Variants in KLRG1 observed in about 807,000 individuals in gnomAD.
KLRG1 encodes killer cell lectin like receptor G1.
In KLRG1, 16 loss-of-function variants were observed where a neutral mutation model predicts 21.8. That is an observed-to-expected ratio of 0.73 (90% CI 0.50 to 1.11). The LOEUF (loss-of-function observed/expected upper bound fraction) is 1.11, where lower values mean the gene tolerates loss of function less well. Ranked by LOEUF, KLRG1 falls within the 50% of genes most tolerant of loss-of-function variation. The probability of loss-of-function intolerance (pLI) is 0.00; values close to 1 mark genes in which losing one functional copy is unlikely to be tolerated. For synonymous variants in KLRG1, 69 were observed against 75.9 expected, an observed-to-expected ratio of 0.91 and a Z score of 0.47; for missense variants, 173 against 218.3, an observed-to-expected ratio of 0.79 and a Z score of 1.31.
chr12:9,148,029 A>G, the KLRG1 span, among the ~76,000 whole-genome samples: 1 of 151,980 alleles, frequency 6.6e-6, no homozygotes, highest in Non-Finnish European at 1.5e-5. Context: ...AAAGGCATTA[A>G]CTACTCTCAT....
chr12:9,015,135 A>G (rs1374758523), downstream of KLRG1, among the ~76,000 whole-genome samples: 1 of 152,180 alleles, frequency 6.6e-6, no homozygotes, highest in Non-Finnish European at 1.5e-5. Context: ...GAAGACATAT[A>G]ACAAAATGGC....
At chr12:9,189,546 A>G in the KLRG1 span, among the ~76,000 whole-genome samples, 1 of 152,250 alleles carries the variant, frequency 6.6e-6, no homozygotes, top group South Asian at 2.1e-4. Flanking sequence ...ACTCTGGAAG[A>G]CAACCTAGGC....
the KLRG1 span, among the ~76,000 whole-genome samples, chr12:9,034,608 G>A: frequency 1.3e-5 from 2 of 152,088 alleles, no homozygotes; most frequent in African/African-American, 4.8e-5. Context: ...CACCATGCCC[G>A]GCTAATTTTT....
the KLRG1 span, among the ~76,000 whole-genome samples, chr12:9,137,032 A>G: frequency 6.6e-6 from 1 of 152,076 alleles, no homozygotes; most frequent in Non-Finnish European, 1.5e-5. Flanking sequence ...TTCCAGTTTG[A>G]CATAGTTCAA....
the KLRG1 span, chr12:9,160,265 GA>G: frequency 6.6e-7 from 1 of 1,513,014 alleles, no homozygotes; most frequent in Non-Finnish European, 9.0e-7. Context: ...GCTTAATTGG[GA>G]AAAGTTTCAT....
chr12:9,187,077 C>CAA, the KLRG1 span, among the ~76,000 whole-genome samples: 30,465 of 128,206 alleles, frequency 0.24, 3,627 homozygotes, highest in East Asian at 0.39. Flanking sequence ...CAAGAAAGGT[C>CAA]AAAAAAAAAA....
At chr12:8,975,462 A>G (rs2137268033) in intron 1 of KLRG1, among the ~76,000 whole-genome samples, 1 of 152,192 alleles carries the variant, frequency 6.6e-6, no homozygotes, top group Admixed American at 6.5e-5. Context: ...ATTATTCTTA[A>G]GTGCTCCTTA....
chr12:9,103,272 G>A, the KLRG1 span, among the ~76,000 whole-genome samples: 3 of 152,150 alleles, frequency 2.0e-5, no homozygotes, highest in Non-Finnish European at 4.4e-5. Flanking sequence ...CAAGAGTCAG[G>A]TGTTAGTATT....
the KLRG1 span, among the ~76,000 whole-genome samples, chr12:9,055,055 G>T: frequency 6.6e-6 from 1 of 152,176 alleles, no homozygotes; most frequent in Non-Finnish European, 1.5e-5. Flanking sequence ...ACGTGATTCT[G>T]TCACACACAT....
At chr12:9,029,014 T>G in the KLRG1 span, 1 of 598,246 alleles carries the variant, frequency 1.7e-6, no homozygotes, top group Admixed American at 2.0e-5. Flanking sequence ...CTCTCATTGG[T>G]TGTTTCAAAG....
the KLRG1 span, chr12:9,154,729 C>T: frequency 3.1e-6 from 5 of 1,614,042 alleles, no homozygotes; most frequent in African/African-American, 2.7e-5. Context: ...GTGAGATAAG[C>T]GAGGAGCACA....
At chr12:9,099,317 C>A in the KLRG1 span, 7 of 1,486,716 alleles carry the variant, frequency 4.7e-6, no homozygotes, top group Middle Eastern at 1.7e-4. Flanking sequence ...ATGTGTAAAA[C>A]AAATGATAAC....
chr12:9,120,861 G>A, the KLRG1 span, among the ~76,000 whole-genome samples: 1 of 150,446 alleles, frequency 6.6e-6, no homozygotes, highest in African/African-American at 2.4e-5. Flanking sequence ...ACGTGTGTGT[G>A]TGTGTGTGTG....
At chr12:9,198,944 G>A in the KLRG1 span, among the ~76,000 whole-genome samples, 7 of 152,032 alleles carry the variant, frequency 4.6e-5, no homozygotes, top group East Asian at 1.9e-4. Flanking sequence ...TTTACCCTGC[G>A]TGCTCCCTCT....
At chr12:9,102,918 G>A in the KLRG1 span, among the ~76,000 whole-genome samples, 1 of 151,814 alleles carries the variant, frequency 6.6e-6, no homozygotes, top group Non-Finnish European at 1.5e-5. Context: ...TCTATAACAA[G>A]GTAAAACTCT....
At chr12:9,136,268 G>T in the KLRG1 span, among the ~76,000 whole-genome samples, 1 of 152,144 alleles carries the variant, frequency 6.6e-6, no homozygotes, top group Non-Finnish European at 1.5e-5. Flanking sequence ...CTAAGACTGA[G>T]TAAACTTCTA....
At chr12:9,213,200 C>A in the KLRG1 span, among the ~76,000 whole-genome samples, 1 of 152,164 alleles carries the variant, frequency 6.6e-6, no homozygotes. Context: ...TATGGACATA[C>A]CACATTTTGT....
the KLRG1 span, chr12:9,200,524 T>C: frequency 8.4e-7 from 1 of 1,192,866 alleles, no homozygotes; most frequent in East Asian, 2.4e-5. Context: ...AGTATGTCTA[T>C]AATTTTTCCC....
the KLRG1 span, chr12:9,165,346 T>C: frequency 6.2e-7 from 1 of 1,614,076 alleles, no homozygotes; most frequent in Non-Finnish European, 8.5e-7. Flanking sequence ...CTGTTACTCC[T>C]ACCTCAGCCA....
Sources: allele counts gnomAD v4.1 joint callset (sites outside exome capture counted in the v4.1 genomes callset), GRCh38; gene constraint gnomAD v4.1.1; transcripts MANE v1.5; gene names NCBI Gene and HGNC (gene_info 2026-07-23, HGNC 2026-07-21).